The following ALPK1 variants were observed in gnomAD, a reference collection of about 807,000 sequenced individuals.
ALPK1 encodes the protein alpha-protein kinase 1.
ALPK1 carries 110 observed loss-of-function variants against 120.6 expected under a neutral mutation model. The observed-to-expected ratio is 0.91, with a 90% CI of 0.78 to 1.07. ALPK1 has a LOEUF of 1.07. ALPK1 is among the 50% of genes least tolerant of loss of function. The probability of loss-of-function intolerance (pLI) is 0.00; values close to 1 mark genes in which losing one functional copy is unlikely to be tolerated. For missense variants in ALPK1, 1,498 were observed against 1,483.9 expected (o/e 1.01, Z -0.16); for synonymous variants, 582 against 560.3 (o/e 1.04, Z -0.55).
chr4:112,422,185 T>A (rs1164436928), intron 5 of ALPK1, among the ~76,000 whole-genome samples: 3 of 152,238 alleles, frequency 2.0e-5, no homozygotes, highest in Admixed American at 6.5e-5. Context: ...GCACGCAATT[T>A]AAAACTTATG....
chr4:112,326,001 G>A (rs1729100377), intron 2 of ALPK1, among the ~76,000 whole-genome samples: 1 of 152,096 alleles, frequency 6.6e-6, no homozygotes. Context: ...GGTGTCTCTG[G>A]CTGAGCCATC....
In ALPK1 at chr4:112,438,567, A is replaced by T. The variant is rs1160843571; in HGVS notation, c.3272A>T (p.Tyr1091Phe). ...DVERQMTAQHYVTEFNKRLYE... is the reference protein window; with the variant it reads ...DVERQMTAQHFVTEFNKRLYE... ...GAGCGACAGATGACCGCACAGCACT[A>T]TGTGACAGAATTTAACAAGAGACTC... is the stretch of plus-strand genomic sequence containing the variant. The change falls in exon 13 of 16, where the codon TAT becomes TTT. Residue 1091 changes from tyrosine (Y) to phenylalanine (F), a missense_variant. By Grantham distance (22) the Tyr-to-Phe change is conservative (BLOSUM62 3). Coordinates refer to ENST00000650871, the MANE Select transcript of ALPK1 (RefSeq NM_025144.4). 1.2e-6 allele frequency: 2 copies of T among 1,613,918 alleles called. No individual in the cohort carries two copies. Among genetic ancestry groups the T allele is most frequent in the South Asian group, 1.1e-5 (1 of 91,074 alleles).
chr4:112,367,522 T>C (rs1198060249), intron 2 of ALPK1, among the ~76,000 whole-genome samples: 2 of 152,180 alleles, frequency 1.3e-5, no homozygotes, highest in African/African-American at 4.8e-5. Context: ...TCATAAGTAA[T>C]CTAGAGATGA....
intron 2 of ALPK1, among the ~76,000 whole-genome samples, chr4:112,363,796 G>A (rs769997682): frequency 2.0e-5 from 3 of 152,156 alleles, no homozygotes; most frequent in Non-Finnish European, 2.9e-5. Context: ...TCCAAGATAG[G>A]CCATATGATA....
At chr4:112,349,392 A>T (rs967124324) in intron 2 of ALPK1, among the ~76,000 whole-genome samples, 2 of 152,254 alleles carry the variant, frequency 1.3e-5, no homozygotes, top group African/African-American at 4.8e-5. Context: ...CTCTTAAAAA[A>T]TAAAATTTAA....
intron 2 of ALPK1, among the ~76,000 whole-genome samples, chr4:112,361,571 C>CA (rs1479907038): frequency 6.6e-6 from 1 of 152,152 alleles, no homozygotes; most frequent in Non-Finnish European, 1.5e-5. Flanking sequence ...AAGCCAGGGC[C>CA]AAGGAGAGTC....
intron 4 of ALPK1, among the ~76,000 whole-genome samples, chr4:112,406,784 T>C (rs1361139808): frequency 6.6e-6 from 1 of 152,192 alleles, no homozygotes; most frequent in Non-Finnish European, 1.5e-5. Context: ...ATAAGACCTG[T>C]ACCTGGAAGG....
At chr4:112,333,873 T>C (rs1449614486) in intron 2 of ALPK1, among the ~76,000 whole-genome samples, 1 of 152,190 alleles carries the variant, frequency 6.6e-6, no homozygotes, top group Non-Finnish European at 1.5e-5. Context: ...GCACGAAGCT[T>C]CTTAATGCTT....
chr4:112,310,831 A>T (rs17443637), intron 1 of ALPK1, among the ~76,000 whole-genome samples: 5,755 of 152,214 alleles, frequency 0.038, 139 homozygotes, highest in Non-Finnish European at 0.057. Flanking sequence ...AACAGTAGCC[A>T]TTATTAAGTG....
rs1298679962 is a variant in ALPK1 at position 112,377,685 on chromosome 4, G to A, written c.-93G>A. 1.3e-5 allele frequency: 16 copies of A among 1,241,088 alleles called. No homozygotes were observed. In the Admixed American group the frequency reaches 1.8e-4, roughly 14 times the overall value. The allele number at this position is 1,241,088 out of a possible 1,614,324, so 76.9% of individuals were successfully genotyped here. On this transcript the variant is annotated 5_prime_UTR_variant, in exon 3 of 16. Coordinates refer to ENST00000650871, the MANE Select transcript of ALPK1 (RefSeq NM_025144.4). ...CTCTCTTTTGTTCACCAGGTACTTC[G>A]GCCTTCAAGGGGCTCCTTTATTGAG...
chr4:112,435,490 C>T (rs888958296), intron 12 of ALPK1, among the ~76,000 whole-genome samples, 189 bp downstream of exon 12: 2 of 152,166 alleles, frequency 1.3e-5, no homozygotes, highest in African/African-American at 2.4e-5. Flanking sequence ...ACCCACGTTA[C>T]ATCAGCTGTT....
At chr4:112,407,491 A>T (rs192509522) in intron 4 of ALPK1, among the ~76,000 whole-genome samples, 11 of 152,246 alleles carry the variant, frequency 7.2e-5, no homozygotes, top group African/African-American at 2.4e-4. Flanking sequence ...AAAATTAATT[A>T]AAAATAAGTA....
chr4:112,366,006 G>A (rs533203392), intron 2 of ALPK1, among the ~76,000 whole-genome samples: 12 of 152,278 alleles, frequency 7.9e-5, no homozygotes, highest in African/African-American at 2.4e-4. Flanking sequence ...CAAGCCATAT[G>A]TAGAAGAATA....
chr4:112,371,673 C>T (rs1041025437), intron 2 of ALPK1, among the ~76,000 whole-genome samples: 1 of 152,156 alleles, frequency 6.6e-6, no homozygotes, highest in Admixed American at 6.5e-5. Flanking sequence ...ATCACTTAGA[C>T]AAAAGGAAGA....
intron 4 of ALPK1, 31 bp downstream of exon 4, chr4:112,382,583 A>T (rs370837234): frequency 3.1e-6 from 5 of 1,614,074 alleles, no homozygotes; most frequent in African/African-American, 1.3e-5. Flanking sequence ...TGTTCCTCTG[A>T]TATCCCCAAG....
intron 2 of ALPK1, among the ~76,000 whole-genome samples, chr4:112,373,454 C>A (rs994196525): frequency 1.6e-4 from 24 of 152,170 alleles, no homozygotes; most frequent in African/African-American, 5.6e-4. Context: ...CATTGGAAAC[C>A]TTTTAGTTCA....
intron 12 of ALPK1, 62 bp from the exon 13 acceptor site, chr4:112,438,422 C>A: frequency 6.5e-7 from 1 of 1,530,212 alleles, no homozygotes; most frequent in Non-Finnish European, 9.0e-7. Flanking sequence ...TCTCCTCTCT[C>A]TTACTCCATA....
rs187584896 is a variant in ALPK1 at position 112,431,827 on chromosome 4, G to A, written c.2280G>A (p.Arg760=). The A allele has an allele frequency of 5.6e-6, 9 of 1,614,104 alleles. No homozygotes were observed. The South Asian group carries it at 9.9e-5, about 18-fold the overall frequency. ...FPETNCDVKD[R]QGKEQGEEIS... is the part of the protein sequence containing the mutation. ...AAACCAACTGCGATGTCAAAGACAG[G>A]CAGGGGAAAGAGCAGGGAGAAGAAA... The change falls in exon 11 of 16, where the codon AGG becomes AGA. Residue 760 remains arginine (R), a synonymous_variant. Coordinates refer to ENST00000650871, the MANE Select transcript of ALPK1 (RefSeq NM_025144.4).
At position 112,430,804 on chromosome 4, in the gene ALPK1, A is replaced by G. The variant is rs773255026; in HGVS notation, c.1257A>G (p.Leu419=). 1.9e-6 allele frequency: 3 copies of G among 1,614,256 alleles called. No homozygotes were observed. The highest frequency in any genetic ancestry group is 2.5e-6 in the Non-Finnish European group (3 of 1,180,044). Reference sequence around the variant, plus strand: ...TGATTGCCCAGGTGAAGGAACATTTACAAGTTCAAAGCTTCTCAAATGTAG... The same window carrying G: ...TGATTGCCCAGGTGAAGGAACATTTGCAAGTTCAAAGCTTCTCAAATGTAG... ...MSVIAQVKEH[L]QVQSFSNVDD... The change falls in exon 11 of 16, where the codon TTA becomes TTG. Residue 419 remains leucine, a synonymous_variant. Coordinates refer to ENST00000650871, the MANE Select transcript of ALPK1 (RefSeq NM_025144.4).
Sources: gnomAD v4.1 joint callset for allele counts (sites outside exome capture counted in the v4.1 genomes callset) on GRCh38, gnomAD v4.1.1 for gene constraint, MANE v1.5 for transcripts, NCBI Gene and HGNC (gene_info 2026-07-23, HGNC 2026-07-21) for gene names.